PRPF3: variants seen among roughly 807,000 people sequenced by gnomAD.
The protein encoded by PRPF3 is U4/U6 small nuclear ribonucleoprotein Prp3.
Under a neutral mutation model 89.2 loss-of-function variants are expected in PRPF3, and 3 were observed. That is an observed-to-expected ratio of 0.03 (90% confidence interval 0.02 to 0.09). PRPF3 has a LOEUF of 0.09. Ranked by LOEUF, PRPF3 falls within the 10% of genes least tolerant of loss-of-function variation. PRPF3 has a pLI of 1.00. For synonymous variants in PRPF3, 270 were observed against 289.1 expected (o/e 0.93, Z 0.67); for missense variants, 463 against 828.8 (o/e 0.56, Z 5.42).
At chr1:150,334,812 C>T (rs1401163885) in intron 6 of PRPF3, 123 bp from the exon 7 acceptor site, 3 of 1,172,812 alleles carry the variant, frequency 2.6e-6, no homozygotes, top group East Asian at 2.5e-5. Context: ...CAAGTGATCC[C>T]TCTGCCTTGG....
intron 7 of PRPF3, among the ~76,000 whole-genome samples, chr1:150,336,447 A>G (rs72696824): frequency 0.082 from 12,456 of 152,148 alleles, 680 homozygotes; most frequent in Non-Finnish European, 0.12. Flanking sequence ...GGGACCCCTG[A>G]TTTAAAGCAA....
intron 15 of PRPF3, among the ~76,000 whole-genome samples, chr1:150,349,951 G>A (rs1008019361): frequency 1.7e-4 from 26 of 151,762 alleles, no homozygotes; most frequent in African/African-American, 4.8e-4. Context: ...GCTGGAGTGC[G>A]ATGGCGTGAT....
At chr1:150,349,089 A>G (rs1434987777) in intron 14 of PRPF3, 68 bp from the exon 15 acceptor site, 24 of 1,245,530 alleles carry the variant, frequency 1.9e-5, no homozygotes, top group Non-Finnish European at 1.8e-5. Flanking sequence ...GAGTTTGGGT[A>G]GACTTGAATA....
Position 150,338,081 on chromosome 1 carries a change from A to AG in PRPF3, c.1036-79_1036-78insG, listed in dbSNP as rs1297916517. ...AAGAACGAAACTCCGTCTCAAAAAA[A>AG]AAAAAAAATTGAGATTCTACACATT... On this transcript the variant is annotated intron_variant, in intron 7 of 15. Coordinates refer to ENST00000324862, the MANE Select transcript of PRPF3 (RefSeq NM_004698.4). 5.8e-4 allele frequency: 904 copies of AG among 1,550,294 alleles called. 11 individuals carry two copies. In the African/African-American group the frequency reaches 0.011, roughly 19 times the overall value.
Position 150,328,380 on chromosome 1 carries a change from A to G in PRPF3, c.337A>G (p.Ile113Val). 1 of 1,614,008 alleles carries G rather than the reference A, an allele frequency of 6.2e-7. No individual in the cohort carries two copies. The highest frequency in any genetic ancestry group is 8.5e-7 in the Non-Finnish European group (1 of 1,180,020). Reference sequence around the variant, plus strand: ...ATCATCAGGAGTAAAGAAGCGACGAATACCCCGTTTTGAGGAGGTGGAAGA... The same window carrying G: ...ATCATCAGGAGTAAAGAAGCGACGAGTACCCCGTTTTGAGGAGGTGGAAGA... ...KESSGVKKRR[I>V]PRFEEVEEEP... The change falls in exon 4 of 16, where the codon ATA becomes GTA. Residue 113 changes from isoleucine (I) to valine (V), a missense_variant. Ile to Val is a conservative substitution (Grantham distance 29). This residue lies in a region of PRPF3 where 28 missense variants were observed against 48.1 expected (regional missense o/e 0.58). Transcript: ENST00000324862.
intron 3 of PRPF3, chr1:150,327,999 G>A (rs1655911906): frequency 2.8e-6 from 1 of 358,716 alleles, no homozygotes; most frequent in Admixed American, 4.2e-5. Context: ...GAGGAGGTGA[G>A]TTTTAGGCAG....
In PRPF3 at chr1:150,340,628, A is replaced by G. The variant is rs1197388710; in HGVS notation, c.1282+151A>G. The G allele has an allele frequency of 2.3e-5, 16 of 708,192 alleles. No homozygotes were observed. The East Asian group carries it at 4.3e-4, about 19-fold the overall frequency. 43.9% of individuals were successfully genotyped at this position (708,192 alleles called of 1,614,324 possible). A position where few individuals can be genotyped will look rare whatever the true frequency, so the allele number is the denominator to read the frequency against. On this transcript the variant is annotated intron_variant, in intron 9 of 15. Transcript: ENST00000324862. ...TTTTTAATTCAGTTTTTTTCCTGAC[A>G]ATAGTTTGTTGTTTGACCAGTGAAC...
At chr1:150,331,627 A>G (rs587684162) in intron 4 of PRPF3, among the ~76,000 whole-genome samples, 2 of 152,166 alleles carry the variant, frequency 1.3e-5, no homozygotes, top group South Asian at 4.2e-4. Flanking sequence ...AGCCTCTCAA[A>G]GTGCTGGGAT....
chr1:150,334,776 C>T (rs1256956476), intron 6 of PRPF3, among the ~76,000 whole-genome samples, 159 bp from the exon 7 acceptor site: 1 of 152,036 alleles, frequency 6.6e-6, no homozygotes, highest in Non-Finnish European at 1.5e-5. Flanking sequence ...CTTGTGTTGG[C>T]CAGACTGGTC....
intron 14 of PRPF3, among the ~76,000 whole-genome samples, chr1:150,347,107 C>A (rs1553873115): frequency 6.6e-6 from 1 of 151,518 alleles, no homozygotes. Flanking sequence ...AAAGAAAAAG[C>A]AAATCTAGTA....
chr1:150,349,841 T>C (rs780881874), intron 15 of PRPF3, among the ~76,000 whole-genome samples: 3 of 149,778 alleles, frequency 2.0e-5, no homozygotes, highest in Non-Finnish European at 4.5e-5. Context: ...TATTAATGTT[T>C]TCATGTTTGC....
chr1:150,328,593 C>A, intron 4 of PRPF3, 127 bp downstream of exon 4: 3 of 1,039,780 alleles, frequency 2.9e-6, no homozygotes, highest in Non-Finnish European at 4.0e-6. Context: ...GCTCTTGTCA[C>A]CCAGGCTGGA....
rs1658104525 is a variant in PRPF3, at chr1:150,344,681, A to T, written c.1640+134A>T. 4.3e-6 allele frequency: 4 copies of T among 932,198 alleles called. No homozygotes were observed. In the South Asian group the frequency reaches 5.8e-5, roughly 14 times the overall value. The allele number at this position is 932,198 out of a possible 1,614,324, so 57.7% of individuals were successfully genotyped here. A position where few individuals can be genotyped will look rare whatever the true frequency, so the allele number is the denominator to read the frequency against. ...CTCTCTTTTAATGACCCTAGTGTGG[A>T]TCAAGAGCTAGTAAATCTTGTAAAA... On this transcript the variant is annotated intron_variant, in intron 12 of 15. Coordinates refer to ENST00000324862, the MANE Select transcript of PRPF3 (RefSeq NM_004698.4).
intron 14 of PRPF3, among the ~76,000 whole-genome samples, chr1:150,347,559 G>T (rs587672426): frequency 6.6e-6 from 1 of 152,064 alleles, no homozygotes; most frequent in East Asian, 1.9e-4. Context: ...GTGAAACCCC[G>T]TCTCTACTGA....
chr1:150,349,048 C>A, intron 14 of PRPF3, 109 bp from the exon 15 acceptor site: 1 of 925,206 alleles, frequency 1.1e-6, no homozygotes, highest in Non-Finnish European at 1.8e-6. Context: ...ACACTTGGTC[C>A]AACACATAAA....
Position 150,353,005 on chromosome 1 carries a change from TC to T in PRPF3, c.*29del. ...GACTACTGCAAGCCCTTGCCTCTCC[TC>T]CCTTGCCTTTGTCTCTTCAGTCCTC... On this transcript the variant is annotated 3_prime_UTR_variant, in exon 16 of 16. Coordinates refer to ENST00000324862, the MANE Select transcript of PRPF3 (RefSeq NM_004698.4). 2.5e-6 allele frequency: 4 copies of T among 1,613,662 alleles called. No homozygotes were observed. Among genetic ancestry groups the T allele is most frequent in the Non-Finnish European group, 3.4e-6 (4 of 1,179,754 alleles).
chr1:150,337,187 C>T (rs587738006), intron 7 of PRPF3, among the ~76,000 whole-genome samples: 6 of 151,958 alleles, frequency 3.9e-5, no homozygotes, highest in Admixed American at 6.6e-5. Flanking sequence ...TATAGGCGCC[C>T]GCCACCACGC....
intron 11 of PRPF3, 46 bp from the exon 12 acceptor site, chr1:150,344,388 T>C: frequency 6.2e-7 from 1 of 1,614,136 alleles, no homozygotes; most frequent in Non-Finnish European, 8.5e-7. Context: ...CTGCCTCTGA[T>C]CTTCAATGCC....
At chr1:150,349,831 T>C (rs1242692382) in intron 15 of PRPF3, among the ~76,000 whole-genome samples, 3 of 150,966 alleles carry the variant, frequency 2.0e-5, no homozygotes, top group African/African-American at 4.9e-5. Flanking sequence ...TTAAAACCAG[T>C]ATTAATGTTT....
Sources: gnomAD v4.1 joint callset for allele counts (sites outside exome capture counted in the v4.1 genomes callset) on GRCh38, gnomAD v4.1.1 for gene constraint, gnomAD v4.1.1 regional missense constraint, MANE v1.5 for transcripts, NCBI Gene and HGNC (gene_info 2026-07-23, HGNC 2026-07-21) for gene names.